The following CC2D1A variants were observed in gnomAD, a reference collection of about 807,000 sequenced individuals.
The protein encoded by CC2D1A is coiled-coil and C2 domain-containing protein 1A.
A neutral mutation model predicts 123.8 loss-of-function variants in CC2D1A; 68 were observed. That is an observed-to-expected ratio of 0.55 (90% CI 0.45 to 0.67). The LOEUF (loss-of-function observed/expected upper bound fraction) is 0.67. Ranked by LOEUF, CC2D1A falls within the 30% of genes least tolerant of loss-of-function variation. The pLI is 0.00. For synonymous variants in CC2D1A, 477 were observed against 528.0 expected (o/e 0.90, Z 1.32); for missense variants, 1,185 against 1,290.3 (o/e 0.92, Z 1.25).
intron 4 of CC2D1A, 148 bp from the exon 5 acceptor site, chr19:13,913,020 C>G (rs1261944603): frequency 1.2e-6 from 1 of 810,084 alleles, no homozygotes; most frequent in African/African-American, 1.7e-5. Flanking sequence ...ATTCCCTCCA[C>G]TGGGAAATGG....
chr19:13,929,189 T>C (rs775359520), intron 24 of CC2D1A, among the ~76,000 whole-genome samples, 190 bp from the exon 25 acceptor site: 10 of 151,778 alleles, frequency 6.6e-5, no homozygotes, highest in Non-Finnish European at 1.2e-4. Flanking sequence ...CTATTTTTAG[T>C]AGAGACGGGG....
chr19:13,923,224 G>T lies in CC2D1A; in HGVS notation c.1642-109G>T. 7.6e-7 allele frequency: 1 copy of T among 1,319,492 alleles called. No individual in the cohort carries two copies. The highest frequency in any genetic ancestry group is 1.4e-5 in the South Asian group (1 of 70,506). 81.7% of individuals were successfully genotyped at this position (1,319,492 alleles called of 1,614,324 possible). A position where few individuals can be genotyped will look rare whatever the true frequency, so the allele number is the denominator to read the frequency against. On this transcript the variant is annotated intron_variant, in intron 14 of 28. Transcript: ENST00000318003. The surrounding 1 kb of genome is among the most constrained non-coding windows in gnomAD (Gnocchi z 5.3). ...AAAAAAAGACCAGAGAAGGGTGACA[G>T]AGCCGTGGTCAGGGAATGCCCCTCG...
intron 6 of CC2D1A, among the ~76,000 whole-genome samples, chr19:13,915,846 A>G (rs953713811): frequency 2.0e-5 from 3 of 152,096 alleles, no homozygotes; most frequent in African/African-American, 7.2e-5. Context: ...AAAAAACAGA[A>G]GAGGATTGAA....
rs375971219 is a variant in CC2D1A, at chr19:13,909,885, T to A, written c.123T>A (p.Asp41Glu). The change falls in exon 2 of 29, where the codon GAT becomes GAA. Residue 41 changes from aspartate (D) to glutamate (E), a missense_variant. Transcript: ENST00000318003. ...GLMIPEDGANDEELEAEFLAL... is the reference protein window; with the variant it reads ...GLMIPEDGANEEELEAEFLAL... Reference sequence around the variant, plus strand: ...TGATCCCTGAGGACGGGGCTAACGATGAAGAACTGGAGGCTGAGTTCTTGG... The same window carrying A: ...TGATCCCTGAGGACGGGGCTAACGAAGAAGAACTGGAGGCTGAGTTCTTGG... 3.2e-5 allele frequency: 50 copies of A among 1,569,424 alleles called. No individual in the cohort carries two copies. The highest frequency in any genetic ancestry group is 4.1e-5 in the Non-Finnish European group (47 of 1,156,164).
Position 13,927,964 on chromosome 19 carries a change from C to G in CC2D1A, c.2388C>G (p.Ala796=). 1.2e-6 allele frequency: 2 copies of G among 1,613,788 alleles called. No individual in the cohort carries two copies. The highest frequency in any genetic ancestry group is 1.7e-6 in the Non-Finnish European group (2 of 1,179,928). Residue 796 remains alanine (A), a synonymous_variant, in exon 23 of 29, where the codon GCC becomes GCG. Transcript: ENST00000318003. ...TCCGGATTCGGGAGCCACTGACAGCCCAGCAGTTGGAGACGACGACAGAGA... is the reference window on the plus strand; with the variant it reads ...TCCGGATTCGGGAGCCACTGACAGCGCAGCAGTTGGAGACGACGACAGAGA... ...VMVRIREPLT[A]QQLETTTERW... is the part of the protein sequence containing the mutation.
chr19:13,919,047 C>T lies in CC2D1A; in HGVS notation c.1149+5C>T. On this transcript the variant is annotated splice_donor_5th_base_variant and intron_variant, in intron 10 of 28. Transcript: ENST00000318003. ...ATGCACGAGCGCATCGTCAAGGTGC[C>T]CTGGGGGTTCCGGGGGAGGTGGGGC... 6.2e-7 allele frequency: 1 copy of T among 1,605,950 alleles called. No homozygotes were observed. The highest frequency in any genetic ancestry group is 8.5e-7 in the Non-Finnish European group (1 of 1,175,636).
chr19:13,918,786 T>C lies in CC2D1A; in HGVS notation c.987T>C (p.Pro329=). Residue 329 remains proline (P), a synonymous_variant, in exon 9 of 29, where the codon CCT becomes CCC. Transcript: ENST00000318003. ...ACCCACCGTCACCACCGTCGCAGCC[T>C]CCGACCCCCGCTACGGCGCCCTCCA... ...PPDPPSPPSQ[P]PTPATAPSTT... 1 of 1,613,246 alleles carries C rather than the reference T, an allele frequency of 6.2e-7. No homozygotes were observed. The highest frequency in any genetic ancestry group is 1.1e-5 in the South Asian group (1 of 90,976).
At chr19:13,917,919 T>G in intron 6 of CC2D1A, 151 bp from the exon 7 acceptor site, 12 of 728,402 alleles carry the variant, frequency 1.6e-5, no homozygotes, top group South Asian at 4.8e-5. Context: ...TGCAGTGAGC[T>G]GAGATTGCGC....
At chr19:13,919,237 G>T in intron 11 of CC2D1A, 35 bp downstream of exon 11, 2 of 1,538,030 alleles carry the variant, frequency 1.3e-6, no homozygotes, top group East Asian at 2.4e-5. Flanking sequence ...GCCCCAGTAG[G>T]CCCCGCCCCC....
At position 13,923,192 on chromosome 19, in the gene CC2D1A, C is replaced by CAA. The variant is rs1056032126; in HGVS notation, c.1642-129_1642-128dup. The CAA allele has an allele frequency of 7.0e-4, 613 of 872,084 alleles. No individual in the cohort carries two copies. The highest frequency in any genetic ancestry group is 7.9e-4 in the Non-Finnish European group (480 of 607,170). The allele number at this position is 872,084 out of a possible 1,614,324, so 54.0% of individuals were successfully genotyped here. ...TGGGCAACAGAGCGAGACTCCATCT[C>CAA]AAAAAAAAAAAAAGACCAGAGAAGG... On this transcript the variant is annotated intron_variant, in intron 14 of 28. Transcript: ENST00000318003. The surrounding 1 kb of genome is among the most constrained non-coding windows in gnomAD (Gnocchi z 5.3).
Position 13,923,238 on chromosome 19 carries a change from G to A in CC2D1A, c.1642-95G>A, listed in dbSNP as rs1183200621. The A allele has an allele frequency of 3.9e-5, 56 of 1,425,044 alleles. No individual in the cohort carries two copies. The highest frequency in any genetic ancestry group is 5.2e-5 in the Non-Finnish European group (55 of 1,065,178). 88.3% of individuals were successfully genotyped at this position (1,425,044 alleles called of 1,614,324 possible). The stretch of plus-strand genomic sequence containing the variant: ...GAAGGGTGACAGAGCCGTGGTCAGG[G>A]AATGCCCCTCGTCAAGGAAGAATGA... On this transcript the variant is annotated intron_variant, in intron 14 of 28. Coordinates refer to ENST00000318003, the MANE Select transcript of CC2D1A (RefSeq NM_017721.5). This position sits in a 1 kb window ranked among gnomAD's most constrained non-coding sequence, Gnocchi z 5.3.
intron 12 of CC2D1A, 150 bp from the exon 13 acceptor site, chr19:13,920,407 G>C: frequency 1.5e-6 from 1 of 646,350 alleles, no homozygotes; most frequent in Non-Finnish European, 2.7e-6. Flanking sequence ...AAGGTGTTTG[G>C]GGCCAGGGGC....
rs1202398595 is a variant in CC2D1A at position 13,923,731 on chromosome 19, G to A, written c.1860G>A (p.Met620Ile). 6.2e-7 allele frequency: 1 copy of A among 1,614,178 alleles called. No homozygotes were observed. The highest frequency in any genetic ancestry group is 1.7e-5 in the Admixed American group (1 of 60,026). The part of the protein sequence containing the change: ...EKLAEDCKRS[M>I]DILKQAFVRG... ...TGGCGGAGGACTGTAAGCGGAGCAT[G>A]GACATTCTGAAGCAAGCCTTCGTCC... The change falls in exon 17 of 29, where the codon ATG becomes ATA. Residue 620 changes from methionine (M) to isoleucine (I), a missense_variant. Coordinates refer to ENST00000318003, the MANE Select transcript of CC2D1A (RefSeq NM_017721.5). This position sits in a 1 kb window ranked among gnomAD's most constrained non-coding sequence, Gnocchi z 5.3.
intron 6 of CC2D1A, among the ~76,000 whole-genome samples, chr19:13,914,967 A>C (rs1489149594): frequency 6.6e-6 from 1 of 152,268 alleles, no homozygotes; most frequent in African/African-American, 2.4e-5. Flanking sequence ...CTTCCCTGGC[A>C]GGAAGCAAAG....
At chr19:13,914,586 G>A (rs927067899) in intron 6 of CC2D1A, among the ~76,000 whole-genome samples, 1 of 151,252 alleles carries the variant, frequency 6.6e-6, no homozygotes, top group Non-Finnish European at 1.5e-5. Flanking sequence ...TGCCTGCCTC[G>A]GCCTCCCAAA....
rs565099428 is a variant in CC2D1A at position 13,911,994 on chromosome 19, C to T, written c.197-329C>T. Among the ~76,000 whole-genome samples, 30 of 152,216 alleles carry T rather than the reference C, an allele frequency of 2.0e-4. No homozygotes were observed. The South Asian group carries it at 5.2e-3, about 26-fold the overall frequency. ...CCTCCCAAAGTGCTGGGGTTACAGGCGTGAGCCACTGCGCCCAGCCTAATT... is the reference window on the plus strand; with the variant it reads ...CCTCCCAAAGTGCTGGGGTTACAGGTGTGAGCCACTGCGCCCAGCCTAATT... On this transcript the variant is annotated intron_variant, in intron 2 of 28. Transcript: ENST00000318003.
At chr19:13,926,020 A>C (rs1971611244) in intron 17 of CC2D1A, among the ~76,000 whole-genome samples, 1 of 103,548 alleles carries the variant, frequency 9.7e-6, no homozygotes, top group Non-Finnish European at 1.7e-5. Flanking sequence ...ATATACGTAT[A>C]TATATGTGTA....
rs771534431 is a variant in CC2D1A, at chr19:13,929,555, C to T, written c.2605C>T (p.Arg869Trp). The change falls in exon 26 of 29, where the codon CGG (arginine) becomes TGG (tryptophan). Residue 869 changes from arginine (R) to tryptophan (W), a missense_variant. Transcript: ENST00000318003. The stretch of plus-strand genomic sequence containing the variant: ...CTAGATCCTGGCCCTCAGGCAGGCG[C>T]GGCGGCCGGTGCCCCCAGAAGTGGC... ...ERKILALRQARRPVPPEVAQQ... is the reference protein window; with the variant it reads ...ERKILALRQAWRPVPPEVAQQ... 7 of 1,610,818 alleles carry T rather than the reference C, an allele frequency of 4.3e-6. No homozygotes were observed. The highest frequency in any genetic ancestry group is 3.3e-5 in the South Asian group (3 of 90,956).
At chr19:13,911,573 C>T (rs1970999722) in intron 2 of CC2D1A, among the ~76,000 whole-genome samples, 1 of 149,028 alleles carries the variant, frequency 6.7e-6, no homozygotes, top group East Asian at 2.0e-4. Flanking sequence ...GGAGACAAAC[C>T]CTTGCTCTGT....
Sources: allele counts gnomAD v4.1 joint callset (sites outside exome capture counted in the v4.1 genomes callset), GRCh38; gene constraint gnomAD v4.1.1; non-coding constraint Gnocchi (gnomAD v3.1); transcripts MANE v1.5; gene names NCBI Gene and HGNC (gene_info 2026-07-23, HGNC 2026-07-21).